The following RAD51B variants were observed in gnomAD, a reference collection of about 807,000 sequenced individuals.
The protein encoded by RAD51B is RAD51 paralog B.
A neutral mutation model predicts 42.2 loss-of-function variants in RAD51B; 38 were observed. That is an observed-to-expected ratio of 0.90 (90% CI 0.70 to 1.18). The LOEUF is 1.18. Among genes scored for constraint, RAD51B ranks in the 50% most tolerant of loss-of-function variants. The pLI is 0.00. For synonymous variants in RAD51B, 154 were observed against 145.2 expected, an observed-to-expected ratio of 1.06 and a Z score of -0.43; for missense variants, 373 against 400.7, an observed-to-expected ratio of 0.93 and a Z score of 0.59.
At chr14:68,555,814 G>A (rs1003297634) in intron 10 of RAD51B, among the ~76,000 whole-genome samples, 15 of 152,134 alleles carry the variant, frequency 9.9e-5, no homozygotes, top group African/African-American at 3.4e-4. Context: ...AATACCCTCC[G>A]CATCCCACCC....
chr14:68,197,871 T>G (rs2079404092), intron 7 of RAD51B, among the ~76,000 whole-genome samples: 1 of 152,196 alleles, frequency 6.6e-6, no homozygotes, highest in Non-Finnish European at 1.5e-5. Context: ...TAAAAATATA[T>G]TCTGAATATA....
intron 9 of RAD51B, among the ~76,000 whole-genome samples, chr14:68,436,663 G>A (rs1376397236): frequency 6.6e-6 from 1 of 152,020 alleles, no homozygotes; most frequent in Non-Finnish European, 1.5e-5. Flanking sequence ...CATGGAATGT[G>A]TTTTGGCGGG....
chr14:68,551,410 G>A (rs1440175368), intron 10 of RAD51B, among the ~76,000 whole-genome samples: 1 of 152,214 alleles, frequency 6.6e-6, no homozygotes, highest in African/African-American at 2.4e-5. Context: ...GTGCCTGGCT[G>A]TGATAAGCAT....
At chr14:68,192,526 G>A (rs527955627) in intron 7 of RAD51B, among the ~76,000 whole-genome samples, 1 of 152,204 alleles carries the variant, frequency 6.6e-6, no homozygotes, top group Admixed American at 6.5e-5. Flanking sequence ...TCTTTTAATT[G>A]GTGCCAAGTT....
At chr14:68,181,624 T>C (rs902094091) in intron 7 of RAD51B, among the ~76,000 whole-genome samples, 1 of 152,200 alleles carries the variant, frequency 6.6e-6, no homozygotes, top group Non-Finnish European at 1.5e-5. Flanking sequence ...AGCAGTGATT[T>C]CTCTGCAGTG....
intron 8 of RAD51B, among the ~76,000 whole-genome samples, chr14:68,326,271 C>A (rs1248724797): frequency 6.6e-6 from 1 of 151,948 alleles, no homozygotes; most frequent in African/African-American, 2.4e-5. Flanking sequence ...AACTCCTGAC[C>A]TCAGGTGATC....
intron 7 of RAD51B, among the ~76,000 whole-genome samples, chr14:67,930,343 T>TGTG (rs1566964188): frequency 1.3e-5 from 2 of 151,420 alleles, no homozygotes; most frequent in Non-Finnish European, 2.9e-5. Flanking sequence ...GTGTGTGTGT[T>TGTG]TTTTTTTTCC....
chr14:68,537,624 G>C (rs1887715537), intron 10 of RAD51B, among the ~76,000 whole-genome samples: 1 of 152,170 alleles, frequency 6.6e-6, no homozygotes, highest in African/African-American at 2.4e-5. Context: ...TGTTGGAAAA[G>C]AGGAAAAACC....
chr14:68,006,457 C>T (rs781420156), intron 7 of RAD51B, among the ~76,000 whole-genome samples: 32 of 151,920 alleles, frequency 2.1e-4, no homozygotes, highest in Non-Finnish European at 4.0e-4. Flanking sequence ...TTTTTGGTAT[C>T]CTTTCAATTA....
chr14:68,010,818 CA>C (rs921661697), intron 7 of RAD51B, among the ~76,000 whole-genome samples: 4 of 151,782 alleles, frequency 2.6e-5, no homozygotes, highest in Admixed American at 6.6e-5. Context: ...TAGGGCATGA[CA>C]TTTTTTAAGC....
chr14:68,477,521 T>C (rs908182107), intron 10 of RAD51B, 127 bp from the exon 11 acceptor site: 2 of 1,159,366 alleles, frequency 1.7e-6, no homozygotes, highest in Admixed American at 2.5e-5. Flanking sequence ...AGTGGCTCTG[T>C]GGGCAATACG....
At chr14:68,281,290 G>T (rs148055607) in intron 7 of RAD51B, among the ~76,000 whole-genome samples, 4 of 152,082 alleles carry the variant, frequency 2.6e-5, no homozygotes, top group African/African-American at 4.8e-5. Flanking sequence ...TATAAGCCTT[G>T]GTTTTCCTAT....
chr14:68,003,404 G>C (rs554180488), intron 7 of RAD51B, among the ~76,000 whole-genome samples: 1 of 152,176 alleles, frequency 6.6e-6, no homozygotes, highest in South Asian at 2.1e-4. Flanking sequence ...GCTTATCAGC[G>C]TAAGAAGCTT....
At chr14:68,596,397 G>A (rs542774637), downstream of RAD51B, among the ~76,000 whole-genome samples, 9 of 152,158 alleles carry the variant, frequency 5.9e-5, 1 homozygote, top group South Asian at 1.5e-3. Context: ...ATCCCTTCTC[G>A]TAAGCCTTTT....
intron 7 of RAD51B, among the ~76,000 whole-genome samples, chr14:68,092,808 T>C (rs1040531618): frequency 2.0e-5 from 3 of 152,180 alleles, no homozygotes; most frequent in African/African-American, 4.8e-5. Context: ...CCAGTTTTTG[T>C]CCGTTCAGTA....
At chr14:68,087,903 T>C (rs1469473139) in intron 7 of RAD51B, among the ~76,000 whole-genome samples, 1 of 126,276 alleles carries the variant, frequency 7.9e-6, no homozygotes, top group Non-Finnish European at 1.6e-5. Context: ...ATATTATTTA[T>C]ATAATTATAT....
intron 8 of RAD51B, among the ~76,000 whole-genome samples, chr14:68,377,487 G>A (rs1253794714): frequency 6.6e-6 from 1 of 152,142 alleles, no homozygotes; most frequent in East Asian, 1.9e-4. Flanking sequence ...GTGTTTCTTT[G>A]TTTCAACGAT....
chr14:68,507,379 C>T (rs1885409564), intron 10 of RAD51B, among the ~76,000 whole-genome samples: 1 of 152,152 alleles, frequency 6.6e-6, no homozygotes, highest in South Asian at 2.1e-4. Flanking sequence ...AGCTTTTTCA[C>T]TTTGCTTTAT....
At chr14:67,860,416 T>C (rs988047313) in intron 4 of RAD51B, among the ~76,000 whole-genome samples, 1 of 152,226 alleles carries the variant, frequency 6.6e-6, no homozygotes, top group African/African-American at 2.4e-5. Flanking sequence ...GAGAATTTCC[T>C]GGGATAACGA....
Sources: gnomAD v4.1 joint callset for allele counts (sites outside exome capture counted in the v4.1 genomes callset) on GRCh38, gnomAD v4.1.1 for gene constraint, MANE v1.5 for transcripts, NCBI Gene and HGNC (gene_info 2026-07-23, HGNC 2026-07-21) for gene names.